Variants in HIVEP1 observed in about 807,000 individuals in gnomAD.
HIVEP1 encodes the protein zinc finger protein 40.
Under a neutral mutation model 180.0 loss-of-function variants are expected in HIVEP1, and 36 were observed. The ratio of observed to expected loss-of-function variants is 0.20; its 90% CI spans 0.15 to 0.26. The LOEUF (loss-of-function observed/expected upper bound fraction) is 0.26. HIVEP1 is among the 10% of genes least tolerant of loss of function. The pLI is 1.00. For synonymous variants in HIVEP1, 1,239 were observed against 1,239.0 expected (o/e 1.00, Z 0.00); for missense variants, 3,143 against 3,268.7 (o/e 0.96, Z 0.94).
chr6:12,134,493 A>T (rs534711848), intron 6 of HIVEP1, among the ~76,000 whole-genome samples: 41 of 152,332 alleles, frequency 2.7e-4, no homozygotes, highest in Non-Finnish European at 4.4e-4. Context: ...AATTGAATAG[A>T]TATAGCTATT....
chr6:12,083,820 T>C (rs1175447233), intron 2 of HIVEP1, among the ~76,000 whole-genome samples: 8 of 152,160 alleles, frequency 5.3e-5, no homozygotes, highest in Non-Finnish European at 1.5e-5. Flanking sequence ...CCTGTTGCTG[T>C]GAAAAATTAT....
intron 7 of HIVEP1, among the ~76,000 whole-genome samples, chr6:12,160,609 A>T (rs1760333925): frequency 6.6e-6 from 1 of 152,176 alleles, no homozygotes; most frequent in African/African-American, 2.4e-5. Flanking sequence ...AGGCAAAAAG[A>T]AAAAAACAAA....
chr6:12,080,781 A>G (rs1157211618), intron 2 of HIVEP1, among the ~76,000 whole-genome samples: 1 of 152,170 alleles, frequency 6.6e-6, no homozygotes, highest in African/African-American at 2.4e-5. Context: ...GGCATTTCAC[A>G]TTTTAAATTT....
At chr6:12,186,428 A>G in the HIVEP1 span, among the ~76,000 whole-genome samples, 2 of 152,090 alleles carry the variant, frequency 1.3e-5, no homozygotes, top group East Asian at 3.9e-4. Flanking sequence ...GCTGAAGATA[A>G]GAATTGAAAT....
intron 7 of HIVEP1, among the ~76,000 whole-genome samples, chr6:12,140,682 T>C (rs1011125718): frequency 6.6e-6 from 1 of 152,150 alleles, no homozygotes; most frequent in Non-Finnish European, 1.5e-5. Flanking sequence ...TTAAATGACC[T>C]GATGGAGCAA....
chr6:12,017,766 C>T (rs183697051), intron 2 of HIVEP1, among the ~76,000 whole-genome samples: 4 of 152,328 alleles, frequency 2.6e-5, no homozygotes, highest in African/African-American at 9.6e-5. Flanking sequence ...ATTTAAAAAC[C>T]TTGAGCTAGA....
At chr6:12,150,387 C>T (rs948351182) in intron 7 of HIVEP1, among the ~76,000 whole-genome samples, 10 of 152,126 alleles carry the variant, frequency 6.6e-5, no homozygotes, top group African/African-American at 1.9e-4. Context: ...CTAGGAGAAC[C>T]GTTTAATATG....
rs553059648 is a variant in HIVEP1 at position 12,058,537 on chromosome 6, G to A, written c.41-30647G>A. Among the ~76,000 whole-genome samples the A allele has an allele frequency of 2.2e-4, 33 of 152,288 alleles. No individual in the cohort carries two copies. In the Middle Eastern group the frequency reaches 0.017, roughly 78 times the overall value. On this transcript the variant is annotated intron_variant, in intron 2 of 8. Coordinates refer to ENST00000379388, the MANE Select transcript of HIVEP1 (RefSeq NM_002114.4). Reference sequence around the variant, plus strand: ...GGAACAAATATTGCGTTAGATATTAGAGATATAAAAATGAATAAAATATGG... The same window carrying A: ...GGAACAAATATTGCGTTAGATATTAAAGATATAAAAATGAATAAAATATGG...
rs528602491 is a variant in HIVEP1, at chr6:12,164,577, A to G, written c.*116A>G. The G allele has an allele frequency of 5.4e-5, 44 of 809,566 alleles. No individual in the cohort carries two copies. Among genetic ancestry groups the G allele is most frequent in the South Asian group, 4.4e-4 (23 of 51,962 alleles). The allele number at this position is 809,566 out of a possible 1,614,324, so 50.1% of individuals were successfully genotyped here. A position where few individuals can be genotyped will look rare whatever the true frequency, so the allele number is the denominator to read the frequency against. ...TAAACTCATGACTAATCTTTGTGCAATCATGAACTTTTGACCAATAATTGT... is the reference window on the plus strand; with the variant it reads ...TAAACTCATGACTAATCTTTGTGCAGTCATGAACTTTTGACCAATAATTGT... On this transcript the variant is annotated 3_prime_UTR_variant, in exon 9 of 9. Coordinates refer to ENST00000379388, the MANE Select transcript of HIVEP1 (RefSeq NM_002114.4).
the HIVEP1 span, among the ~76,000 whole-genome samples, chr6:12,193,981 T>C: frequency 6.6e-6 from 1 of 152,196 alleles, no homozygotes; most frequent in Non-Finnish European, 1.5e-5. Flanking sequence ...AGCTTTTGCA[T>C]GATGGGTCTA....
chr6:12,130,255 A>G (rs1252837077), intron 5 of HIVEP1, among the ~76,000 whole-genome samples: 2 of 152,274 alleles, frequency 1.3e-5, no homozygotes, highest in Non-Finnish European at 2.9e-5. Context: ...CAAAAACATC[A>G]TAAAAGCCAA....
intron 3 of HIVEP1, among the ~76,000 whole-genome samples, chr6:12,113,201 G>T (rs1775014321): frequency 6.6e-6 from 1 of 150,534 alleles, no homozygotes; most frequent in Non-Finnish European, 1.5e-5. Flanking sequence ...GGCAAACAGG[G>T]CATTCTAGAT....
chr6:12,017,617 G>C (rs1767895033), intron 2 of HIVEP1, among the ~76,000 whole-genome samples: 1 of 152,154 alleles, frequency 6.6e-6, no homozygotes, highest in African/African-American at 2.4e-5. Flanking sequence ...TTTACAGAGA[G>C]CCGATTGGTC....
intron 2 of HIVEP1, among the ~76,000 whole-genome samples, chr6:12,048,982 T>C (rs1157694470): frequency 6.6e-6 from 1 of 152,184 alleles, no homozygotes; most frequent in Non-Finnish European, 1.5e-5. Context: ...TAGTTACTCA[T>C]TGGGCATTAT....
At chr6:12,112,373 C>T (rs1774952454) in intron 3 of HIVEP1, among the ~76,000 whole-genome samples, 1 of 151,842 alleles carries the variant, frequency 6.6e-6, no homozygotes, top group South Asian at 2.1e-4. Context: ...TTCTTTTTCT[C>T]CCTTTTCTTC....
chr6:12,187,936 C>T, the HIVEP1 span, among the ~76,000 whole-genome samples: 4 of 152,122 alleles, frequency 2.6e-5, no homozygotes, highest in African/African-American at 9.7e-5. Context: ...TCCTTTACAG[C>T]AGCACAAACA....
the HIVEP1 span, among the ~76,000 whole-genome samples, chr6:12,183,799 T>C: frequency 3.7e-3 from 566 of 152,298 alleles, 3 homozygotes; most frequent in African/African-American, 0.013. Context: ...TCCCTTGAGA[T>C]ACAATATACA....
At chr6:12,042,846 AT>A (rs1351030058) in intron 2 of HIVEP1, among the ~76,000 whole-genome samples, 2 of 152,216 alleles carry the variant, frequency 1.3e-5, no homozygotes, top group African/African-American at 4.8e-5. Context: ...GATACATAAA[AT>A]AATGGTTTCT....
intron 6 of HIVEP1, among the ~76,000 whole-genome samples, chr6:12,134,531 C>G (rs1371926902): frequency 6.6e-6 from 1 of 152,160 alleles, no homozygotes; most frequent in African/African-American, 2.4e-5. Context: ...ACTGCAAGCC[C>G]GAAATTTGGA....
Sources: gnomAD v4.1 joint callset for allele counts (sites outside exome capture counted in the v4.1 genomes callset) on GRCh38, gnomAD v4.1.1 for gene constraint, MANE v1.5 for transcripts, NCBI Gene and HGNC (gene_info 2026-07-23, HGNC 2026-07-21) for gene names.